Variants in ACOT13 observed in about 807,000 individuals in gnomAD.
ACOT13 encodes acyl-CoA thioesterase 13, also known as acyl-coenzyme A thioesterase 13.
In ACOT13, 10 loss-of-function variants were observed where a neutral mutation model predicts 11.8. That is an observed-to-expected ratio of 0.85 (90% CI 0.53 to 1.44). The LOEUF (loss-of-function observed/expected upper bound fraction) is 1.44. Ranked by LOEUF, ACOT13 falls within the 40% of genes most tolerant of loss-of-function variation. The pLI is 0.00. For synonymous variants in ACOT13, 53 were observed against 61.0 expected (o/e 0.87, Z 0.61); for missense variants, 172 against 174.1 (o/e 0.99, Z 0.07).
At chr6:24,667,434 C>G (rs3181228) in intron 1 of ACOT13, 90 bp downstream of exon 1, 1 of 1,178,406 alleles carries the variant, frequency 8.5e-7, no homozygotes, top group Non-Finnish European at 1.3e-6. Flanking sequence ...GAATAATTAT[C>G]TCTTGTTAGG....
Position 24,698,634 on chromosome 6 carries a change from T to C in ACOT13, c.266+567T>C, listed in dbSNP as rs1302996015. On this transcript the variant is annotated intron_variant, in intron 2 of 2. Coordinates refer to ENST00000230048, the MANE Select transcript of ACOT13 (RefSeq NM_018473.4). ...TCTTACTCTAACAAACTGAACACCA[T>C]TGCTGGGGTTTTTTTTTTTTTTTGG... Among the ~76,000 whole-genome samples, 3 of 150,554 alleles carry C rather than the reference T, an allele frequency of 2.0e-5. No homozygotes were observed. The Admixed American group carries it at 2.0e-4, about 10-fold the overall frequency.
At chr6:24,678,863 A>G (rs2127623089) in intron 1 of ACOT13, among the ~76,000 whole-genome samples, 1 of 152,318 alleles carries the variant, frequency 6.6e-6, no homozygotes, top group East Asian at 1.9e-4. Context: ...AGGCCATGCC[A>G]GTGTCCAGGA....
rs1231813746 is a variant in ACOT13, at chr6:24,703,040, C to T, written c.*1425C>T. 1 of 152,198 alleles carries T rather than the reference C, an allele frequency of 6.6e-6. No homozygotes were observed. Among genetic ancestry groups the T allele is most frequent in the Non-Finnish European group, 1.5e-5 (1 of 68,060 alleles). 9.4% of individuals were successfully genotyped at this position (152,198 alleles called of 1,614,324 possible). A position where few individuals can be genotyped will look rare whatever the true frequency, so the allele number is the denominator to read the frequency against. Reference sequence around the variant, plus strand: ...TAGCTGGAACTACAGGCGTGTGCCACCACGCCTAATTTTATTTTTGTAGAA... The same window carrying T: ...TAGCTGGAACTACAGGCGTGTGCCATCACGCCTAATTTTATTTTTGTAGAA... On this transcript the variant is annotated 3_prime_UTR_variant, in exon 3 of 3. Coordinates refer to ENST00000230048, the MANE Select transcript of ACOT13 (RefSeq NM_018473.4).
At position 24,701,579 on chromosome 6, in the gene ACOT13, A is replaced by G. The variant is rs1277538400; in HGVS notation, c.387A>G (p.Ile129Met). 1.9e-6 allele frequency: 3 copies of G among 1,613,518 alleles called. No homozygotes were observed. Among genetic ancestry groups the G allele is most frequent in the Admixed American group, 1.7e-5 (1 of 59,938 alleles). The change falls in exon 3 of 3, where the codon ATA becomes ATG. Residue 129 changes from isoleucine (I) to methionine (M), a missense_variant. By Grantham distance (10) the Ile-to-Met change is conservative. Coordinates refer to ENST00000230048, the MANE Select transcript of ACOT13 (RefSeq NM_018473.4). ...CCAACAAGGCCACAGGAAAATTAATAGCACAAGGAAGACACACAAAACACC... is the reference window on the plus strand; with the variant it reads ...CCAACAAGGCCACAGGAAAATTAATGGCACAAGGAAGACACACAAAACACC... ...DLTNKATGKL[I>M]AQGRHTKHLG...
intron 1 of ACOT13, among the ~76,000 whole-genome samples, chr6:24,695,362 G>A (rs1019814365): frequency 9.9e-5 from 15 of 152,138 alleles, no homozygotes; most frequent in East Asian, 5.8e-4. Context: ...TCTACAAGCC[G>A]CTCGTATTTA....
At position 24,667,387 on chromosome 6, in the gene ACOT13, A is replaced by T. The variant is rs772868867; in HGVS notation, c.81+43A>T. ...GAGAAGCCGTGGCTTCTAATGAAGG[A>T]AAAGAAAGCACCGTGCTTGGTGCCG... On this transcript the variant is annotated intron_variant, in intron 1 of 2. Transcript: ENST00000230048. The T allele has an allele frequency of 5.1e-6, 8 of 1,577,166 alleles. No homozygotes were observed. The South Asian group carries it at 7.8e-5, about 15-fold the overall frequency.
At chr6:24,691,090 G>A (rs1385596757) in intron 1 of ACOT13, among the ~76,000 whole-genome samples, 1 of 152,166 alleles carries the variant, frequency 6.6e-6, no homozygotes, top group Non-Finnish European at 1.5e-5. Context: ...GGGAACTTTA[G>A]TGCCTAGTGG....
chr6:24,670,945 G>A (rs1044218030), intron 1 of ACOT13, among the ~76,000 whole-genome samples: 16 of 151,946 alleles, frequency 1.1e-4, no homozygotes, highest in Admixed American at 1.0e-3. Flanking sequence ...ATGGAGACCT[G>A]CATTCAAGAG....
At position 24,689,621 on chromosome 6, in the gene ACOT13, A is replaced by AT. The variant is rs1486465262; in HGVS notation, c.82-8261dup. Among the ~76,000 whole-genome samples, 22 of 152,230 alleles carry AT rather than the reference A, an allele frequency of 1.4e-4. 1 individual carries two copies. The highest frequency in any genetic ancestry group is 3.8e-4 in the East Asian group (2 of 5,204). On this transcript the variant is annotated intron_variant, in intron 1 of 2. Transcript: ENST00000230048. ...AGAAAATTTTGTATACCCTGTGTAT[A>AT]TATGAGTAAGCCTAGGGAATGGTAT...
At chr6:24,685,019 A>AT (rs1050290427) in intron 1 of ACOT13, among the ~76,000 whole-genome samples, 13 of 151,712 alleles carry the variant, frequency 8.6e-5, no homozygotes, top group African/African-American at 3.2e-4. Context: ...TCTAAAAAAA[A>AT]TTTTTTTTTA....
chr6:24,682,130 G>A (rs1488758901), intron 1 of ACOT13, among the ~76,000 whole-genome samples: 1 of 152,232 alleles, frequency 6.6e-6, no homozygotes, highest in African/African-American at 2.4e-5. Context: ...CGCAGATAGC[G>A]TAACACCTGA....
chr6:24,699,412 G>A (rs534423488), intron 2 of ACOT13, among the ~76,000 whole-genome samples: 12 of 152,060 alleles, frequency 7.9e-5, no homozygotes, highest in South Asian at 4.1e-4. Context: ...GGGTTTCACC[G>A]TGTTAGCCAG....
At chr6:24,690,488 A>G (rs1224658931) in intron 1 of ACOT13, among the ~76,000 whole-genome samples, 1 of 152,234 alleles carries the variant, frequency 6.6e-6, no homozygotes, top group African/African-American at 2.4e-5. Context: ...GAATGATTCA[A>G]TAAAATCTGC....
intron 1 of ACOT13, among the ~76,000 whole-genome samples, chr6:24,672,008 AT>A (rs1455962229): frequency 6.6e-6 from 1 of 152,230 alleles, no homozygotes; most frequent in Non-Finnish European, 1.5e-5. Context: ...AATAAGCCAA[AT>A]TATGCCATTT....
In ACOT13 at chr6:24,703,418, T is replaced by C. The variant is rs892252560; in HGVS notation, c.*1803T>C. 6.6e-6 allele frequency: 1 copy of C among 152,286 alleles called. No individual in the cohort carries two copies. Among genetic ancestry groups the C allele is most frequent in the Non-Finnish European group, 1.5e-5 (1 of 68,032 alleles). The allele number at this position is 152,286 out of a possible 1,614,324, so 9.4% of individuals were successfully genotyped here. On this transcript the variant is annotated 3_prime_UTR_variant, in exon 3 of 3. Transcript: ENST00000230048. ...CTAGTATTTCCCACTAAAAGGAAGC[T>C]GGGCTCCTTGGAGAAACAGCTGACT... is the stretch of plus-strand genomic sequence containing the variant.
At chr6:24,694,910 A>G (rs1381675927) in intron 1 of ACOT13, among the ~76,000 whole-genome samples, 2 of 152,228 alleles carry the variant, frequency 1.3e-5, no homozygotes, top group Non-Finnish European at 2.9e-5. Flanking sequence ...ATTCTGTACT[A>G]GAAAAATCTA....
chr6:24,680,555 G>A (rs549931918), intron 1 of ACOT13, among the ~76,000 whole-genome samples: 2 of 152,148 alleles, frequency 1.3e-5, no homozygotes, highest in East Asian at 3.9e-4. Flanking sequence ...TCTGCTTATC[G>A]GATTAGTTAC....
Position 24,697,996 on chromosome 6 carries a change from T to C in ACOT13, c.195T>C (p.Asp65=), listed in dbSNP as rs1485084234. Residue 65 remains aspartate (D), a synonymous_variant, in exon 2 of 3, where the codon GAT becomes GAC. Coordinates refer to ENST00000230048, the MANE Select transcript of ACOT13 (RefSeq NM_018473.4). ...GCGGTTTGACAGCCACGTTAGTAGA[T>C]AACATATCAACAATGGCTCTGCTAT... ...LHGGLTATLV[D]NISTMALLCT... The C allele has an allele frequency of 6.2e-7, 1 of 1,613,836 alleles. No individual in the cohort carries two copies. The highest frequency in any genetic ancestry group is 2.2e-5 in the East Asian group (1 of 44,880).
intron 1 of ACOT13, among the ~76,000 whole-genome samples, chr6:24,683,276 G>A (rs551376772): frequency 1.3e-5 from 2 of 152,164 alleles, no homozygotes; most frequent in African/African-American, 2.4e-5. Flanking sequence ...GGTGGCTCAC[G>A]CCTGTAATCC....
Sources: gnomAD v4.1 joint callset for allele counts (sites outside exome capture counted in the v4.1 genomes callset) on GRCh38, gnomAD v4.1.1 for gene constraint, MANE v1.5 for transcripts, NCBI Gene and HGNC (gene_info 2026-07-23, HGNC 2026-07-21) for gene names.